The following SDK1 variants were observed in gnomAD, a reference collection of about 807,000 sequenced individuals.
SDK1 encodes the protein sidekick cell adhesion molecule 1, also known as protein sidekick-1.
SDK1 carries 157 observed loss-of-function variants against 245.5 expected under a neutral mutation model. The ratio of observed to expected loss-of-function variants is 0.64; its 90% CI spans 0.56 to 0.73. The LOEUF (loss-of-function observed/expected upper bound fraction) is 0.73, where lower values mean the gene tolerates loss of function less well. SDK1 is among the 30% of genes least tolerant of loss of function. The pLI is 0.00. For missense variants in SDK1, 3,583 were observed against 3,002.3 expected (o/e 1.19, Z -4.52); for synonymous variants, 1,647 against 1,278.5 (o/e 1.29, Z -6.15).
chr7:3,726,332 T>C (rs964484056), intron 4 of SDK1, among the ~76,000 whole-genome samples: 41 of 152,210 alleles, frequency 2.7e-4, no homozygotes, highest in African/African-American at 9.9e-4. Flanking sequence ...AAGTTAGTGC[T>C]TTTGGATATT....
chr7:4,033,756 C>A (rs943577697), intron 17 of SDK1, among the ~76,000 whole-genome samples: 1 of 152,092 alleles, frequency 6.6e-6, no homozygotes, highest in Non-Finnish European at 1.5e-5. Flanking sequence ...CACAGACACA[C>A]AGAGAACAAT....
chr7:3,356,033 A>G (rs890533991), intron 1 of SDK1, among the ~76,000 whole-genome samples: 1 of 152,344 alleles, frequency 6.6e-6, no homozygotes, highest in Non-Finnish European at 1.5e-5. Context: ...CTTATAGGCC[A>G]TAGTTGCTGA....
In SDK1 at chr7:3,396,568, T is replaced by G. The variant is rs1054078936; in HGVS notation, c.298+94684T>G. Among the ~76,000 whole-genome samples, 15 of 152,018 alleles carry G rather than the reference T, an allele frequency of 9.9e-5. No homozygotes were observed. In the East Asian group the frequency reaches 1.9e-3, roughly 20 times the overall value. ...TGTTACTGCATACATATTTATAAAT[T>G]GTTATCTTTACCTGCTGAATTACCC... On this transcript the variant is annotated intron_variant, in intron 1 of 44. Transcript: ENST00000404826.
chr7:4,091,148 T>C (rs1011699508), intron 22 of SDK1, among the ~76,000 whole-genome samples: 1 of 152,100 alleles, frequency 6.6e-6, no homozygotes, highest in Non-Finnish European at 1.5e-5. Flanking sequence ...CTATCTTCTT[T>C]CCAGGACTTA....
chr7:3,321,272 T>C (rs1196124978), intron 1 of SDK1, among the ~76,000 whole-genome samples: 1 of 152,346 alleles, frequency 6.6e-6, no homozygotes, highest in Non-Finnish European at 1.5e-5. Flanking sequence ...TGGAAAATCC[T>C]CTTTGATTTT....
intron 5 of SDK1, among the ~76,000 whole-genome samples, chr7:3,828,216 T>C (rs1484348408): frequency 6.6e-6 from 1 of 151,954 alleles, no homozygotes; most frequent in African/African-American, 2.4e-5. Flanking sequence ...AAGTGAAGGC[T>C]GCAGTGAGCC....
intron 4 of SDK1, among the ~76,000 whole-genome samples, chr7:3,736,243 G>T (rs756038980): frequency 6.6e-6 from 1 of 152,012 alleles, no homozygotes; most frequent in Non-Finnish European, 1.5e-5. Flanking sequence ...ATATAATCTA[G>T]TTACTTCTTT....
At chr7:4,174,531 A>C (rs1050381568) in intron 33 of SDK1, among the ~76,000 whole-genome samples, 174 bp downstream of exon 33, 1 of 152,190 alleles carries the variant, frequency 6.6e-6, no homozygotes, top group African/African-American at 2.4e-5. Context: ...CACAGGGTGC[A>C]GGTGTGCGGC....
chr7:4,242,011 G>A, intron 43 of SDK1, 98 bp downstream of exon 43: 2 of 1,447,880 alleles, frequency 1.4e-6, no homozygotes, highest in Non-Finnish European at 1.9e-6. Context: ...ATCCCGCCCT[G>A]TGGTTCCAGG....
intron 5 of SDK1, among the ~76,000 whole-genome samples, chr7:3,884,211 A>C (rs1336267196): frequency 4.0e-5 from 6 of 151,722 alleles, no homozygotes; most frequent in Admixed American, 2.0e-4. Flanking sequence ...CTCCGAAAGC[A>C]TGGGGATTAC....
intron 1 of SDK1, among the ~76,000 whole-genome samples, chr7:3,611,484 G>C (rs1300153151): frequency 6.6e-6 from 1 of 152,148 alleles, no homozygotes; most frequent in Non-Finnish European, 1.5e-5. Flanking sequence ...TCTCAGCTTA[G>C]CAGATAGAGG....
At chr7:3,815,700 T>A (rs991018437) in intron 4 of SDK1, among the ~76,000 whole-genome samples, 7 of 151,964 alleles carry the variant, frequency 4.6e-5, no homozygotes, top group African/African-American at 1.7e-4. Flanking sequence ...TACCAGTTCC[T>A]CCAAGGATAC....
chr7:3,427,842 C>T (rs991994180), intron 1 of SDK1, among the ~76,000 whole-genome samples: 2 of 120,986 alleles, frequency 1.7e-5, no homozygotes, highest in East Asian at 2.0e-4. Flanking sequence ...TCTTAGATGT[C>T]GTTAGTGTCT....
chr7:4,267,979 TA>T lies in SDK1; in HGVS notation c.*2597del. 1 of 985,520 alleles carries T rather than the reference TA, an allele frequency of 1.0e-6. No homozygotes were observed. The highest frequency in any genetic ancestry group is 1.2e-6 in the Non-Finnish European group (1 of 829,986). 61.0% of individuals were successfully genotyped at this position (985,520 alleles called of 1,614,324 possible). A position where few individuals can be genotyped will look rare whatever the true frequency, so the allele number is the denominator to read the frequency against. On this transcript the variant is annotated 3_prime_UTR_variant, in exon 45 of 45. Coordinates refer to ENST00000404826, the MANE Select transcript of SDK1 (RefSeq NM_152744.4). Reference sequence around the variant, plus strand: ...GCGGCATTTGAGAAGCAACAGTTCCTAACTCCTTATCTTCAGGGAAGGAAAA... The same window carrying T: ...GCGGCATTTGAGAAGCAACAGTTCCTACTCCTTATCTTCAGGGAAGGAAAA...
intron 5 of SDK1, among the ~76,000 whole-genome samples, chr7:3,823,859 C>T (rs1324192828): frequency 6.6e-6 from 1 of 151,868 alleles, no homozygotes; most frequent in African/African-American, 2.4e-5. Context: ...GAGGAAACTG[C>T]CTTATTTTAA....
chr7:3,944,624 A>G (rs1271493285), intron 5 of SDK1, among the ~76,000 whole-genome samples: 1 of 152,258 alleles, frequency 6.6e-6, no homozygotes, highest in Non-Finnish European at 1.5e-5. Flanking sequence ...TCTTCTAAAA[A>G]TTGAACTTGG....
chr7:3,732,849 A>T (rs1779218155), intron 4 of SDK1, among the ~76,000 whole-genome samples: 1 of 152,220 alleles, frequency 6.6e-6, no homozygotes, highest in African/African-American at 2.4e-5. Context: ...TGACTAGATT[A>T]TCTTTCTGTG....
intron 1 of SDK1, among the ~76,000 whole-genome samples, chr7:3,518,952 G>A (rs570040952): frequency 1.4e-5 from 2 of 146,088 alleles, no homozygotes; most frequent in Admixed American, 7.0e-5. Flanking sequence ...AATGGAATAC[G>A]CTATTCAGCC....
intron 1 of SDK1, among the ~76,000 whole-genome samples, chr7:3,370,310 C>G (rs1266778106): frequency 6.6e-6 from 1 of 152,050 alleles, no homozygotes; most frequent in Non-Finnish European, 1.5e-5. Flanking sequence ...CAGGGTGTAC[C>G]AACAAAGAGA....
Sources: gnomAD v4.1 joint callset for allele counts (sites outside exome capture counted in the v4.1 genomes callset) on GRCh38, gnomAD v4.1.1 for gene constraint, MANE v1.5 for transcripts, NCBI Gene and HGNC (gene_info 2026-07-23, HGNC 2026-07-21) for gene names.